The following ST3GAL3 variants were observed in gnomAD, a reference collection of about 807,000 sequenced individuals.
The protein encoded by ST3GAL3 is ST3 beta-galactoside alpha-2,3-sialyltransferase 3.
In ST3GAL3, 21 loss-of-function variants were observed where a neutral mutation model predicts 50.1. The ratio of observed to expected loss-of-function variants is 0.42; its 90% CI spans 0.30 to 0.60. ST3GAL3 has a LOEUF of 0.60. ST3GAL3 is among the 20% of genes least tolerant of loss of function. The pLI, the probability that ST3GAL3 is intolerant of heterozygous loss-of-function variation, is 0.19. For synonymous variants in ST3GAL3, 183 were observed against 190.0 expected (o/e 0.96, Z 0.30); for missense variants, 353 against 489.4 (o/e 0.72, Z 2.63).
At chr1:43,781,856 A>G (rs1248430998) in intron 2 of ST3GAL3, among the ~76,000 whole-genome samples, 1 of 152,114 alleles carries the variant, frequency 6.6e-6, no homozygotes, top group African/African-American at 2.4e-5. Context: ...CTATTGGGCA[A>G]TCTACTTCTT....
intron 4 of ST3GAL3, among the ~76,000 whole-genome samples, chr1:43,834,481 G>A (rs1052090573): frequency 1.3e-5 from 2 of 152,142 alleles, no homozygotes; most frequent in Non-Finnish European, 2.9e-5. Flanking sequence ...CCCTGTTGCC[G>A]AATCCAGCAT....
intron 4 of ST3GAL3, among the ~76,000 whole-genome samples, chr1:43,832,808 A>T (rs571499799): frequency 6.6e-6 from 1 of 152,332 alleles, no homozygotes; most frequent in Admixed American, 6.5e-5. Flanking sequence ...TATCCCAGAA[A>T]CAACTCTCTA....
chr1:43,768,314 C>T (rs1693872184), intron 2 of ST3GAL3, among the ~76,000 whole-genome samples: 1 of 152,040 alleles, frequency 6.6e-6, no homozygotes, highest in Admixed American at 6.6e-5. Flanking sequence ...GTGGTACATG[C>T]CTGCAGTCCT....
intron 2 of ST3GAL3, among the ~76,000 whole-genome samples, chr1:43,780,497 C>T (rs1283164210): frequency 1.3e-5 from 2 of 152,026 alleles, no homozygotes; most frequent in Non-Finnish European, 2.9e-5. Flanking sequence ...TCAGCATTTT[C>T]TCCTTTTCAT....
chr1:43,829,086 A>G (rs1179920914), intron 4 of ST3GAL3, among the ~76,000 whole-genome samples: 2 of 148,602 alleles, frequency 1.3e-5, no homozygotes, highest in East Asian at 3.9e-4. Flanking sequence ...CTAAAAAGAA[A>G]TGTAGTCTGT....
At chr1:43,890,833 G>A (rs976903764) in intron 5 of ST3GAL3, among the ~76,000 whole-genome samples, 2 of 152,126 alleles carry the variant, frequency 1.3e-5, no homozygotes, top group African/African-American at 2.4e-5. Flanking sequence ...ACAGTGAGCC[G>A]TGTTCATGCC....
At position 43,894,397 on chromosome 1, in the gene ST3GAL3, C is replaced by G; in HGVS notation, c.317C>G (p.Ala106Gly). ...TTATATTCCAGGTTCTCCAAGCCAG[C>G]ACCCATGTTCCTGGATGACTCCTTT... Reference protein sequence around the residue: ...TAIFPRFSKPAPMFLDDSFRK... With the variant: ...TAIFPRFSKPGPMFLDDSFRK... The change falls in exon 6 of 12, where the codon GCA becomes GGA. Residue 106 changes from alanine (A) to glycine (G), a missense_variant. Physicochemically the swap from Ala to Gly is moderately conservative, Grantham distance 60. Transcript: ENST00000347631. 6.2e-7 allele frequency: 1 copy of G among 1,614,194 alleles called. No homozygotes were observed. The highest frequency in any genetic ancestry group is 8.5e-7 in the Non-Finnish European group (1 of 1,180,026).
At chr1:43,851,695 G>A in intron 5 of ST3GAL3, 1 of 1,318,608 alleles carries the variant, frequency 7.6e-7, no homozygotes, top group East Asian at 2.3e-5. Context: ...AGGACCACAG[G>A]TCAGCATCCT....
chr1:43,867,054 C>A (rs994980837), intron 5 of ST3GAL3, among the ~76,000 whole-genome samples: 2 of 152,270 alleles, frequency 1.3e-5, no homozygotes, highest in Middle Eastern at 6.8e-3. Flanking sequence ...CGCTTCAACC[C>A]GGGAGGCAGA....
intron 2 of ST3GAL3, among the ~76,000 whole-genome samples, chr1:43,753,919 C>T (rs1687092469): frequency 6.6e-6 from 1 of 152,182 alleles, no homozygotes. Context: ...CCTGCTCCTG[C>T]CTTGGTCTAC....
intron 9 of ST3GAL3, among the ~76,000 whole-genome samples, chr1:43,908,927 C>T (rs372882537): frequency 8.1e-4 from 123 of 152,196 alleles, no homozygotes; most frequent in African/African-American, 2.8e-3. Flanking sequence ...CCACTGCGCC[C>T]GGCCCTTGCC....
chr1:43,731,557 A>ATTT (rs147263689), intron 1 of ST3GAL3, among the ~76,000 whole-genome samples: 11 of 123,586 alleles, frequency 8.9e-5, no homozygotes, highest in African/African-American at 3.1e-4. Context: ...GCTAATTTTA[A>ATTT]TTTTTTTTTT....
chr1:43,768,908 G>A (rs887526893), intron 2 of ST3GAL3, among the ~76,000 whole-genome samples: 2 of 152,038 alleles, frequency 1.3e-5, no homozygotes, highest in Non-Finnish European at 2.9e-5. Context: ...TTTGAGACTA[G>A]CATAACCTTG....
intron 5 of ST3GAL3, chr1:43,850,267 C>T (rs2067034931): frequency 2.1e-6 from 1 of 467,250 alleles, no homozygotes; most frequent in Non-Finnish European, 4.2e-6. Flanking sequence ...TCCTCTGTGG[C>T]ACCAGGTGCA....
chr1:43,746,278 T>A (rs530191857), intron 2 of ST3GAL3, among the ~76,000 whole-genome samples: 2 of 152,232 alleles, frequency 1.3e-5, no homozygotes, highest in East Asian at 3.9e-4. Context: ...CCTAGAGTAG[T>A]CAATTCATAG....
chr1:43,742,724 G>A (rs1402465460), intron 2 of ST3GAL3, among the ~76,000 whole-genome samples: 1 of 152,176 alleles, frequency 6.6e-6, no homozygotes, highest in Non-Finnish European at 1.5e-5. Context: ...AGTAGTCTCA[G>A]CAGAGAAATG....
rs561047628 is a variant in ST3GAL3 at position 43,848,366 on chromosome 1, C to T, written c.302+10055C>T. 3.0e-3 allele frequency among the ~76,000 whole-genome samples: 382 copies of T among 127,732 alleles called. 3 individuals carry two copies. The highest frequency in any genetic ancestry group is 4.4e-3 in the Non-Finnish European group (287 of 64,630). The allele number at this position is 127,732 out of a possible 152,430, so 83.8% of individuals were successfully genotyped here. A position where few individuals can be genotyped will look rare whatever the true frequency, so the allele number is the denominator to read the frequency against. On this transcript the variant is annotated intron_variant, in intron 5 of 11. Transcript: ENST00000347631. Reference sequence around the variant, plus strand: ...TGTTGCCCAGGCTGGAGTGCAATGGCGCGATCTTGGTTCACTGCAACCTCC... The same window carrying T: ...TGTTGCCCAGGCTGGAGTGCAATGGTGCGATCTTGGTTCACTGCAACCTCC...
chr1:43,773,785 G>A (rs1051182723), intron 2 of ST3GAL3, among the ~76,000 whole-genome samples: 2 of 151,950 alleles, frequency 1.3e-5, no homozygotes, highest in African/African-American at 4.8e-5. Flanking sequence ...TAATCACAAG[G>A]GCAAAACTGT....
At chr1:43,722,781 T>C (rs1235082567) in intron 1 of ST3GAL3, among the ~76,000 whole-genome samples, 1 of 152,132 alleles carries the variant, frequency 6.6e-6, no homozygotes, top group Non-Finnish European at 1.5e-5. Flanking sequence ...ATTGAGATAG[T>C]AAATGCTGGA....
Sources: allele counts gnomAD v4.1 joint callset (sites outside exome capture counted in the v4.1 genomes callset), GRCh38; gene constraint gnomAD v4.1.1; transcripts MANE v1.5; gene names NCBI Gene and HGNC (gene_info 2026-07-23, HGNC 2026-07-21).